Variants in PPP4C observed in about 807,000 individuals in gnomAD.
The protein encoded by PPP4C is protein phosphatase 4 catalytic subunit, also known as serine/threonine-protein phosphatase 4 catalytic subunit.
PPP4C carries 10 observed loss-of-function variants against 40.5 expected under a neutral mutation model. The ratio of observed to expected loss-of-function variants is 0.25; its 90% CI spans 0.15 to 0.42. The LOEUF is 0.42. PPP4C is among the 10% of genes least tolerant of loss of function. PPP4C has a pLI of 1.00. For synonymous variants in PPP4C, 187 were observed against 163.6 expected, an observed-to-expected ratio of 1.14 and a Z score of -1.09; for missense variants, 191 against 416.4, an observed-to-expected ratio of 0.46 and a Z score of 4.71.
intron 2 of PPP4C, among the ~76,000 whole-genome samples, chr16:30,079,947 C>T (rs1406646377): frequency 1.3e-5 from 2 of 152,148 alleles, no homozygotes; most frequent in East Asian, 1.9e-4. Flanking sequence ...CATCATAGTA[C>T]CTGCCTGCCA....
intron 2 of PPP4C, 83 bp from the exon 3 acceptor site, chr16:30,081,176 T>C (rs1226130848): frequency 6.3e-7 from 1 of 1,598,708 alleles, no homozygotes; most frequent in Admixed American, 1.7e-5. Context: ...GACTGCCTCA[T>C]ATCCTCCCCT....
intron 2 of PPP4C, among the ~76,000 whole-genome samples, chr16:30,079,296 TCTC>T (rs2072460820): frequency 6.6e-6 from 1 of 151,882 alleles, no homozygotes; most frequent in African/African-American, 2.4e-5. Context: ...TTCAAGTGAT[TCTC>T]CTACCTCAGC....
At chr16:30,079,447 C>T (rs756731482) in intron 2 of PPP4C, among the ~76,000 whole-genome samples, 3 of 152,136 alleles carry the variant, frequency 2.0e-5, no homozygotes, top group Non-Finnish European at 4.4e-5. Flanking sequence ...CTTGGCTTCC[C>T]AAAGTGCTGG....
chr16:30,077,158 CT>C (rs1341160875), intron 2 of PPP4C, among the ~76,000 whole-genome samples: 3 of 152,120 alleles, frequency 2.0e-5, no homozygotes, highest in Non-Finnish European at 4.4e-5. Context: ...GGTTAAGGCT[CT>C]AGGTTTTGCA....
intron 8 of PPP4C, 24 bp downstream of exon 8, chr16:30,084,879 G>A (rs1482202972): frequency 1.2e-6 from 2 of 1,613,876 alleles, no homozygotes; most frequent in Non-Finnish European, 1.7e-6. Context: ...GCCGGGCTGG[G>A]ATGGGCGGGC....
chr16:30,082,967 A>T, intron 5 of PPP4C, 120 bp downstream of exon 5: 4 of 866,870 alleles, frequency 4.6e-6, no homozygotes, highest in Non-Finnish European at 5.4e-6. Flanking sequence ...GTCACTGGTG[A>T]TGGACCGATT....
intron 3 of PPP4C, 124 bp downstream of exon 3, chr16:30,081,434 A>G: frequency 1.3e-6 from 1 of 769,372 alleles, no homozygotes; most frequent in African/African-American, 1.7e-5. Flanking sequence ...CCTCACCTTC[A>G]ACGGAGCACT....
At chr16:30,080,506 CT>C (rs71373222) in intron 2 of PPP4C, among the ~76,000 whole-genome samples, 37,470 of 123,732 alleles carry the variant, frequency 0.3, 5,501 homozygotes, top group South Asian at 0.4. Context: ...GAGCACCTCA[CT>C]TTTTTTTTTT....
chr16:30,082,005 A>C (rs1397180556), intron 3 of PPP4C, among the ~76,000 whole-genome samples: 9 of 151,796 alleles, frequency 5.9e-5, no homozygotes, highest in Non-Finnish European at 1.0e-4. Flanking sequence ...CAGTGAGCCG[A>C]GATCGCGCCA....
rs2072589096 is a variant in PPP4C at position 30,084,862 on chromosome 16, CGGCTGGGCCG to C, written c.794+15_794+24del. On this transcript the variant is annotated splice_region_variant and intron_variant, in intron 8 of 8. Coordinates refer to ENST00000279387, the MANE Select transcript of PPP4C (RefSeq NM_002720.3). ...CACCCAACTACTGCTACCGGTGAGC[CGGCTGGGCCG>C]GGCTGGGATGGGCGGGCATCTGAGC... The C allele has an allele frequency of 6.2e-7, 1 of 1,613,994 alleles. No individual in the cohort carries two copies. The highest frequency in any genetic ancestry group is 8.5e-7 in the Non-Finnish European group (1 of 1,179,846).
In PPP4C at chr16:30,085,200, G is replaced by T; in HGVS notation, c.*138G>T. 8 of 1,091,962 alleles carry T rather than the reference G, an allele frequency of 7.3e-6. No homozygotes were observed. Among genetic ancestry groups the T allele is most frequent in the Non-Finnish European group, 9.2e-6 (7 of 760,578 alleles). The allele number at this position is 1,091,962 out of a possible 1,614,324, so 67.6% of individuals were successfully genotyped here. A position where few individuals can be genotyped will look rare whatever the true frequency, so the allele number is the denominator to read the frequency against. On this transcript the variant is annotated 3_prime_UTR_variant, in exon 9 of 9. Coordinates refer to ENST00000279387, the MANE Select transcript of PPP4C (RefSeq NM_002720.3). ...CCCCAAGAGGGTGCTTCGAGGGTGA[G>T]GACTTCTCTGGAGAGGCCTGGAGAC...
At position 30,085,091 on chromosome 16, in the gene PPP4C, C is replaced by A; in HGVS notation, c.*29C>A. The A allele has an allele frequency of 6.2e-7, 1 of 1,608,958 alleles. No homozygotes were observed. Among genetic ancestry groups the A allele is most frequent in the Non-Finnish European group, 8.5e-7 (1 of 1,177,320 alleles). On this transcript the variant is annotated 3_prime_UTR_variant, in exon 9 of 9. Coordinates refer to ENST00000279387, the MANE Select transcript of PPP4C (RefSeq NM_002720.3). ...CGCCCGGCCCCTGCCCCCTCCAACC[C>A]TTCTGGCCCTCGCACCACTGTGACT...
At chr16:30,080,053 G>C (rs2072474688) in intron 2 of PPP4C, among the ~76,000 whole-genome samples, 1 of 151,968 alleles carries the variant, frequency 6.6e-6, no homozygotes, top group Non-Finnish European at 1.5e-5. Flanking sequence ...GCTTAAATTG[G>C]GTATCTATAG....
intron 2 of PPP4C, 58 bp from the exon 3 acceptor site, chr16:30,081,201 T>C: frequency 6.2e-7 from 1 of 1,610,720 alleles, no homozygotes; most frequent in Non-Finnish European, 8.5e-7. Context: ...CCAAAAAAGG[T>C]CAGGAATTGG....
rs373650531 is a variant in PPP4C at position 30,083,669 on chromosome 16, C to T, written c.492C>T (p.His164=). The change falls in exon 7 of 9, where the codon CAC becomes CAT. Residue 164 remains histidine, a synonymous_variant. Coordinates refer to ENST00000279387, the MANE Select transcript of PPP4C (RefSeq NM_002720.3). This position sits in a 1 kb window ranked among gnomAD's most constrained non-coding sequence, Gnocchi z 6.3. ...CTCCCCTGTAGATCTTCTGCGTGCA[C>T]GGGGGCCTCTCCCCCTCCATCCAGA... is the stretch of plus-strand genomic sequence containing the variant. ...AIIDGKIFCV[H]GGLSPSIQTL... is the part of the protein sequence containing the mutation. The T allele has an allele frequency of 4.6e-5, 75 of 1,614,042 alleles. No individual in the cohort carries two copies. Among genetic ancestry groups the T allele is most frequent in the South Asian group, 3.6e-4 (33 of 91,092 alleles).
intron 2 of PPP4C, among the ~76,000 whole-genome samples, chr16:30,076,752 G>T (rs530255445): frequency 6.6e-6 from 1 of 152,336 alleles, no homozygotes; most frequent in South Asian, 2.1e-4. Context: ...TCTGTCGGGG[G>T]ACGGAAGCTT....
At position 30,082,596 on chromosome 16, in the gene PPP4C, G is replaced by A; in HGVS notation, c.201+62G>A. On this transcript the variant is annotated intron_variant, in intron 4 of 8. Transcript: ENST00000279387. ...GGATGACTGGAAGACCCCTGTAATT[G>A]AGGGTGGGAGCCTTAATTTGGGGCG... 10 of 1,581,082 alleles carry A rather than the reference G, an allele frequency of 6.3e-6. No homozygotes were observed. In the South Asian group the frequency reaches 1.1e-4, roughly 18 times the overall value.
At chr16:30,076,189 C>G in intron 1 of PPP4C, 95 bp downstream of exon 1, 1 of 434,680 alleles carries the variant, frequency 2.3e-6, no homozygotes, top group African/African-American at 5.4e-5. Flanking sequence ...CGTTGGACGC[C>G]GGGGGGTCCT....
chr16:30,076,027 G>A lies in PPP4C; in HGVS notation c.-131G>A, dbSNP rs1596824086. 1 of 387,730 alleles carries A rather than the reference G, an allele frequency of 2.6e-6. No individual in the cohort carries two copies. The highest frequency in any genetic ancestry group is 4.3e-5 in the Admixed American group (1 of 23,470). 24.0% of individuals were successfully genotyped at this position (387,730 alleles called of 1,614,324 possible). On this transcript the variant is annotated 5_prime_UTR_variant, in exon 1 of 9. Transcript: ENST00000279387. Reference sequence around the variant, plus strand: ...TAGGAGCGGCGGCGGCGGCGGCGGCGGCGGTCGAAAGCGGAGTGAAAGAGG... The same window carrying A: ...TAGGAGCGGCGGCGGCGGCGGCGGCAGCGGTCGAAAGCGGAGTGAAAGAGG...
Sources: gnomAD v4.1 joint callset for allele counts (sites outside exome capture counted in the v4.1 genomes callset) on GRCh38, gnomAD v4.1.1 for gene constraint, Gnocchi (gnomAD v3.1) non-coding constraint, MANE v1.5 for transcripts, NCBI Gene and HGNC (gene_info 2026-07-23, HGNC 2026-07-21) for gene names.